Variants in REC114 observed in about 807,000 individuals in gnomAD.
REC114 encodes the protein REC114 meiotic recombination protein, also known as meiotic recombination protein REC114.
Under a neutral mutation model 31.3 loss-of-function variants are expected in REC114, and 27 were observed. The ratio of observed to expected loss-of-function variants is 0.86; its 90% CI spans 0.64 to 1.19. The LOEUF (loss-of-function observed/expected upper bound fraction) is 1.19. Among genes scored for constraint, REC114 ranks in the 50% most tolerant of loss-of-function variants. The probability of loss-of-function intolerance (pLI) is 0.00; values close to 1 mark genes in which losing one functional copy is unlikely to be tolerated. For missense variants in REC114, 344 were observed against 326.9 expected (o/e 1.05, Z -0.40); for synonymous variants, 134 against 127.7 (o/e 1.05, Z -0.33).
chr15:73,557,431 A>G (rs1375588428), intron 5 of REC114, among the ~76,000 whole-genome samples: 2 of 151,636 alleles, frequency 1.3e-5, no homozygotes, highest in Non-Finnish European at 2.9e-5. Flanking sequence ...AAAAAAAAAA[A>G]AAGAAAAAAA....
chr15:73,515,262 A>T (rs1893841717), intron 2 of REC114, among the ~76,000 whole-genome samples: 1 of 152,162 alleles, frequency 6.6e-6, no homozygotes, highest in South Asian at 2.1e-4. Context: ...TATTTAATAC[A>T]TCCAAATAAC....
At chr15:73,495,370 T>C (rs1193767324) in intron 2 of REC114, among the ~76,000 whole-genome samples, 1 of 152,158 alleles carries the variant, frequency 6.6e-6, no homozygotes, top group Non-Finnish European at 1.5e-5. Flanking sequence ...TAAGTTCTGG[T>C]TGGTTCCTTT....
chr15:73,467,120 A>G (rs1893072708), intron 1 of REC114, among the ~76,000 whole-genome samples: 1 of 152,222 alleles, frequency 6.6e-6, no homozygotes, highest in African/African-American at 2.4e-5. Flanking sequence ...TATGTAGACA[A>G]CAATTTAAGA....
At chr15:73,457,466 A>C (rs1338061448) in intron 1 of REC114, among the ~76,000 whole-genome samples, 1 of 151,464 alleles carries the variant, frequency 6.6e-6, no homozygotes, top group African/African-American at 2.4e-5. Context: ...AGCTGCACTG[A>C]CCTCCTAGGA....
At chr15:73,533,852 G>A (rs1251322888) in intron 2 of REC114, among the ~76,000 whole-genome samples, 2 of 120,982 alleles carry the variant, frequency 1.7e-5, no homozygotes, top group African/African-American at 6.8e-5. Flanking sequence ...AGACCACAGT[G>A]CAATCAAACT....
At chr15:73,500,379 C>T (rs1216354686) in intron 2 of REC114, among the ~76,000 whole-genome samples, 1 of 151,750 alleles carries the variant, frequency 6.6e-6, no homozygotes, top group East Asian at 1.9e-4. Context: ...CTTGTTTCCC[C>T]AAAGAAACCA....
intron 2 of REC114, among the ~76,000 whole-genome samples, chr15:73,495,984 C>T (rs1188468062): frequency 6.6e-6 from 1 of 151,962 alleles, no homozygotes; most frequent in African/African-American, 2.4e-5. Context: ...AAGTGCAGTT[C>T]CAAAAGATGG....
At chr15:73,514,041 A>G (rs1893819607) in intron 2 of REC114, among the ~76,000 whole-genome samples, 1 of 152,004 alleles carries the variant, frequency 6.6e-6, no homozygotes, top group South Asian at 2.1e-4. Flanking sequence ...CCCCTCCCCC[A>G]GCCTCGCTGC....
chr15:73,479,117 A>G (rs1893257460), intron 2 of REC114, among the ~76,000 whole-genome samples: 1 of 151,540 alleles, frequency 6.6e-6, no homozygotes. Flanking sequence ...GTGAGAGTTG[A>G]TGTCCTTGCC....
At chr15:73,456,552 T>C (rs979651465) in intron 1 of REC114, among the ~76,000 whole-genome samples, 2 of 152,206 alleles carry the variant, frequency 1.3e-5, no homozygotes, top group Non-Finnish European at 2.9e-5. Flanking sequence ...AAGTATATGA[T>C]AGATGCTCAG....
chr15:73,505,481 T>C (rs1893663764), intron 2 of REC114, among the ~76,000 whole-genome samples: 2 of 152,178 alleles, frequency 1.3e-5, no homozygotes, highest in African/African-American at 4.8e-5. Flanking sequence ...CCAATGCCCT[T>C]TCCCCTGTGT....
At chr15:73,555,416 C>T (rs1200600602) in intron 4 of REC114, among the ~76,000 whole-genome samples, 2 of 152,170 alleles carry the variant, frequency 1.3e-5, no homozygotes, top group East Asian at 1.9e-4. Flanking sequence ...ACCTCCTGCA[C>T]CTTGTTCATT....
intron 2 of REC114, among the ~76,000 whole-genome samples, chr15:73,510,477 A>G (rs1332326529): frequency 1.3e-5 from 2 of 148,546 alleles, no homozygotes; most frequent in African/African-American, 2.5e-5. Context: ...TTCCAACACT[A>G]TGTTGAATAG....
chr15:73,550,155 T>G (rs1273989705), intron 3 of REC114, among the ~76,000 whole-genome samples: 1 of 152,196 alleles, frequency 6.6e-6, no homozygotes, highest in African/African-American at 2.4e-5. Context: ...TCCTCTAAAC[T>G]AGGCAGAGTA....
At chr15:73,525,554 A>G (rs1317763097) in intron 2 of REC114, among the ~76,000 whole-genome samples, 1 of 151,754 alleles carries the variant, frequency 6.6e-6, no homozygotes, top group Non-Finnish European at 1.5e-5. Flanking sequence ...ATTCAGTTTA[A>G]AATGTTTTAT....
chr15:73,446,183 A>G (rs1004995322), intron 1 of REC114, among the ~76,000 whole-genome samples: 1 of 152,192 alleles, frequency 6.6e-6, no homozygotes, highest in Non-Finnish European at 1.5e-5. Flanking sequence ...CTTTAACACC[A>G]TGGGTTGCCA....
At chr15:73,450,496 C>A (rs529950225) in intron 1 of REC114, among the ~76,000 whole-genome samples, 46 of 151,976 alleles carry the variant, frequency 3.0e-4, no homozygotes, top group African/African-American at 9.9e-4. Context: ...AAGTTCTTAG[C>A]GACCTACAAA....
intron 5 of REC114, among the ~76,000 whole-genome samples, chr15:73,557,329 CA>C (rs916279613): frequency 2.0e-5 from 3 of 150,770 alleles, no homozygotes; most frequent in Non-Finnish European, 4.4e-5. Context: ...CTTGGGCTCC[CA>C]AATTGCTAGG....
chr15:73,559,307 TTC>T (rs1472240190), intron 5 of REC114, among the ~76,000 whole-genome samples: 1 of 152,228 alleles, frequency 6.6e-6, no homozygotes, highest in Non-Finnish European at 1.5e-5. Context: ...TGTGGCCTCT[TTC>T]TTACATTCAG....
Sources: allele counts gnomAD v4.1 joint callset (sites outside exome capture counted in the v4.1 genomes callset), GRCh38; gene constraint gnomAD v4.1.1; transcripts MANE v1.5; gene names NCBI Gene and HGNC (gene_info 2026-07-23, HGNC 2026-07-21).